Variants in OSBPL3 observed in about 807,000 individuals in gnomAD.
OSBPL3 encodes the protein oxysterol-binding protein-related protein 3.
Under a neutral mutation model 120.1 loss-of-function variants are expected in OSBPL3, and 65 were observed. The ratio of observed to expected loss-of-function variants is 0.54; its 90% CI spans 0.44 to 0.67. The LOEUF is 0.67. OSBPL3 is among the 30% of genes least tolerant of loss of function. The pLI, the probability that OSBPL3 is intolerant of heterozygous loss-of-function variation, is 0.00. For missense variants in OSBPL3, 1,004 were observed against 1,082.1 expected, an observed-to-expected ratio of 0.93 and a Z score of 1.01; for synonymous variants, 416 against 402.6, an observed-to-expected ratio of 1.03 and a Z score of -0.40.
In OSBPL3 at chr7:24,968,879, G is replaced by A. The variant is rs770061404; in HGVS notation, c.-150+11007C>T. ...AATGTAGAGCTGCCTCATTTTTAAC[G>A]GCTCTATTATTTTTAATTAGTACTT... On this transcript the variant is annotated intron_variant, in intron 1 of 22. Coordinates refer to ENST00000313367, the MANE Select transcript of OSBPL3 (RefSeq NM_015550.4). This position sits in a 1 kb window ranked among gnomAD's most constrained non-coding sequence, Gnocchi z 4.6. 5.3e-5 allele frequency among the ~76,000 whole-genome samples: 8 copies of A among 151,748 alleles called. No homozygotes were observed. Among genetic ancestry groups the A allele is most frequent in the African/African-American group, 1.5e-4 (6 of 41,250 alleles).
rs533117384 is a variant in OSBPL3, at chr7:24,821,028, C to T, written c.1885-790G>A. 6.6e-6 allele frequency among the ~76,000 whole-genome samples: 1 copy of T among 152,314 alleles called. No homozygotes were observed. Among genetic ancestry groups the T allele is most frequent in the African/African-American group, 2.4e-5 (1 of 41,568 alleles). ...AGGCTGAAGAGAAAATGGCTCCTCC[C>T]TCTATTTCCTCATCTCAGTCACACT... On this transcript the variant is annotated intron_variant, in intron 16 of 22. Transcript: ENST00000313367. The surrounding 1 kb of genome is among the most constrained non-coding windows in gnomAD (Gnocchi z 5.5).
At chr7:24,923,437 G>A (rs935252639) in intron 1 of OSBPL3, among the ~76,000 whole-genome samples, 6 of 152,178 alleles carry the variant, frequency 3.9e-5, no homozygotes, top group Non-Finnish European at 7.4e-5. Context: ...GAAGTATTTC[G>A]AAGTTAGACA....
In OSBPL3 at chr7:24,940,818, CT is replaced by C. The variant is rs113229664; in HGVS notation, c.-150+39067del. On this transcript the variant is annotated intron_variant, in intron 1 of 22. Coordinates refer to ENST00000313367, the MANE Select transcript of OSBPL3 (RefSeq NM_015550.4). The surrounding 1 kb of genome is among the most constrained non-coding windows in gnomAD (Gnocchi z 4.4). ...TTCTTAACATTTCTTCCTTTTTTTT[CT>C]TTTTTTTTTTGTGTGTGTGTGACGG... 6.9e-5 allele frequency among the ~76,000 whole-genome samples: 10 copies of C among 145,040 alleles called. No homozygotes were observed. Among genetic ancestry groups the C allele is most frequent in the South Asian group, 2.2e-4 (1 of 4,602 alleles).
chr7:24,969,900 A>G (rs1451130970), intron 1 of OSBPL3, among the ~76,000 whole-genome samples: 2 of 152,122 alleles, frequency 1.3e-5, no homozygotes, highest in Non-Finnish European at 2.9e-5. Flanking sequence ...TGTTTACAGC[A>G]TAGTCTTTGG....
chr7:24,879,510 A>C lies in OSBPL3; in HGVS notation c.97-7441T>G, dbSNP rs1443499894. Among the ~76,000 whole-genome samples, 1 of 152,214 alleles carries C rather than the reference A, an allele frequency of 6.6e-6. No individual in the cohort carries two copies. The highest frequency in any genetic ancestry group is 1.9e-4 in the East Asian group (1 of 5,194). ...CAGGCCCCAGAATGTTTCAAGTCTTACTACTTGGTTAGCCACAGACCAAAA... is the reference window on the plus strand; with the variant it reads ...CAGGCCCCAGAATGTTTCAAGTCTTCCTACTTGGTTAGCCACAGACCAAAA... On this transcript the variant is annotated intron_variant, in intron 2 of 22. Transcript: ENST00000313367. The surrounding 1 kb of genome is among the most constrained non-coding windows in gnomAD (Gnocchi z 5.6).
Position 24,803,600 on chromosome 7 carries a change from G to A in OSBPL3, c.2567+715C>T, listed in dbSNP as rs1377250792. The stretch of plus-strand genomic sequence containing the variant: ...ATCCTGGCCAACAAGGTGAAACCCC[G>A]TCTCTACTAAAAATACAAAAATTAG... On this transcript the variant is annotated intron_variant, in intron 22 of 22. Coordinates refer to ENST00000313367, the MANE Select transcript of OSBPL3 (RefSeq NM_015550.4). This position sits in a 1 kb window ranked among gnomAD's most constrained non-coding sequence, Gnocchi z 4.2. 6.6e-6 allele frequency among the ~76,000 whole-genome samples: 1 copy of A among 151,928 alleles called. No individual in the cohort carries two copies. The highest frequency in any genetic ancestry group is 1.5e-5 in the Non-Finnish European group (1 of 67,962).
At chr7:24,890,161 T>A (rs914029411) in intron 2 of OSBPL3, among the ~76,000 whole-genome samples, 2 of 152,198 alleles carry the variant, frequency 1.3e-5, no homozygotes, top group African/African-American at 4.8e-5. Context: ...CCCCTCCAGA[T>A]GAAAGAAAGA....
chr7:24,977,404 T>A (rs1817697341), intron 1 of OSBPL3, among the ~76,000 whole-genome samples: 2 of 152,188 alleles, frequency 1.3e-5, no homozygotes, highest in Admixed American at 1.3e-4. Flanking sequence ...TATCATGAGT[T>A]AACATCTAAT....
chr7:24,931,362 T>C (rs897865920), intron 1 of OSBPL3, among the ~76,000 whole-genome samples: 3 of 152,192 alleles, frequency 2.0e-5, no homozygotes, highest in Non-Finnish European at 2.9e-5. Flanking sequence ...ATGTACCTTA[T>C]ATGGCAAAAG....
intron 13 of OSBPL3, among the ~76,000 whole-genome samples, chr7:24,841,722 G>GAAAAA (rs1797794876): frequency 8.4e-4 from 50 of 59,688 alleles, no homozygotes; most frequent in East Asian, 2.3e-3. Context: ...AAAAAAAAAA[G>GAAAAA]AGGCCAGGCA....
intron 4 of OSBPL3, 147 bp from the exon 5 acceptor site, chr7:24,870,992 G>T: frequency 1.5e-6 from 1 of 645,392 alleles, no homozygotes; most frequent in Admixed American, 2.2e-5. Flanking sequence ...GCTGAGTTAC[G>T]TGCTGGACAT....
At position 24,930,715 on chromosome 7, in the gene OSBPL3, A is replaced by G. The variant is rs1285130122; in HGVS notation, c.-149-38094T>C. 6.6e-6 allele frequency among the ~76,000 whole-genome samples: 1 copy of G among 152,174 alleles called. No homozygotes were observed. The highest frequency in any genetic ancestry group is 2.4e-5 in the African/African-American group (1 of 41,448). Reference sequence around the variant, plus strand: ...GTCCAGTCTTTCCAGAAATGATTATATGGTTTTGCACAGTCCCAAAGGGTC... The same window carrying G: ...GTCCAGTCTTTCCAGAAATGATTATGTGGTTTTGCACAGTCCCAAAGGGTC... On this transcript the variant is annotated intron_variant, in intron 1 of 22. Coordinates refer to ENST00000313367, the MANE Select transcript of OSBPL3 (RefSeq NM_015550.4). The surrounding 1 kb of genome is among the most constrained non-coding windows in gnomAD (Gnocchi z 4.4).
At chr7:24,882,555 CAT>C (rs1186585060) in intron 2 of OSBPL3, among the ~76,000 whole-genome samples, 1 of 152,180 alleles carries the variant, frequency 6.6e-6, no homozygotes, top group East Asian at 1.9e-4. Flanking sequence ...ATGCAATAAA[CAT>C]ATGAGTGCAG....
At chr7:24,924,470 C>T (rs1180483316) in intron 1 of OSBPL3, among the ~76,000 whole-genome samples, 2 of 152,168 alleles carry the variant, frequency 1.3e-5, no homozygotes, top group Non-Finnish European at 2.9e-5. Flanking sequence ...TTGTGACTTT[C>T]CTATTGCTAT....
At chr7:24,840,637 T>C in intron 14 of OSBPL3, 53 bp downstream of exon 14, 1 of 729,962 alleles carries the variant, frequency 1.4e-6, no homozygotes, top group Non-Finnish European at 2.3e-6. Context: ...TACAACTTAT[T>C]AGTATTGTAT....
chr7:24,861,441 C>A (rs945083787), intron 10 of OSBPL3, among the ~76,000 whole-genome samples, 172 bp downstream of exon 10: 4 of 152,192 alleles, frequency 2.6e-5, no homozygotes, highest in Non-Finnish European at 5.9e-5. Context: ...AAAGAAAGTT[C>A]TTGCCAATAC....
rs1814578924 is a variant in OSBPL3 at position 24,952,674 on chromosome 7, A to G, written c.-150+27212T>C. The stretch of plus-strand genomic sequence containing the variant: ...AATCCTGCAACATTCTTAACTGTGC[A>G]TTACATCAACTCTATAGAGATTATG... On this transcript the variant is annotated intron_variant, in intron 1 of 22. Transcript: ENST00000313367. The surrounding 1 kb of genome is among the most constrained non-coding windows in gnomAD (Gnocchi z 4.4). 6.6e-6 allele frequency among the ~76,000 whole-genome samples: 1 copy of G among 152,196 alleles called. No homozygotes were observed. Among genetic ancestry groups the G allele is most frequent in the African/African-American group, 2.4e-5 (1 of 41,438 alleles).
chr7:24,857,586 A>G (rs1411513004), intron 10 of OSBPL3, among the ~76,000 whole-genome samples: 1 of 152,250 alleles, frequency 6.6e-6, no homozygotes, highest in African/African-American at 2.4e-5. Flanking sequence ...AGGTTAATAA[A>G]TGAAGTCAAA....
intron 5 of OSBPL3, among the ~76,000 whole-genome samples, chr7:24,866,636 C>A (rs1443263539): frequency 2.1e-5 from 3 of 142,588 alleles, no homozygotes; most frequent in Non-Finnish European, 3.0e-5. Flanking sequence ...GGGAGACTGT[C>A]TCAAAAAAAA....
Sources: allele counts gnomAD v4.1 joint callset (sites outside exome capture counted in the v4.1 genomes callset), GRCh38; gene constraint gnomAD v4.1.1; non-coding constraint Gnocchi (gnomAD v3.1); transcripts MANE v1.5; gene names NCBI Gene and HGNC (gene_info 2026-07-23, HGNC 2026-07-21).